Variants in KIRREL3 observed in about 807,000 individuals in gnomAD.
KIRREL3 encodes kirre like nephrin family adhesion molecule 3, also known as kin of IRRE-like protein 3.
A neutral mutation model predicts 89.7 loss-of-function variants in KIRREL3; 36 were observed. The observed-to-expected ratio is 0.40, with a 90% CI of 0.31 to 0.53. The LOEUF is 0.53. Among genes scored for constraint, KIRREL3 ranks in the 20% least tolerant of loss-of-function variants. KIRREL3 has a pLI of 0.49. For missense variants in KIRREL3, 864 were observed against 1,056.6 expected, an observed-to-expected ratio of 0.82 and a Z score of 2.53; for synonymous variants, 445 against 441.4, an observed-to-expected ratio of 1.01 and a Z score of -0.10.
chr11:126,545,538 T>C (rs906894457), intron 2 of KIRREL3, among the ~76,000 whole-genome samples: 3 of 151,784 alleles, frequency 2.0e-5, no homozygotes, highest in Non-Finnish European at 2.9e-5. Context: ...TGGAAGGCCA[T>C]TGAGGGAGGA....
At position 126,696,989 on chromosome 11, in the gene KIRREL3, A is replaced by C. The variant is rs1947123751; in HGVS notation, c.56-134077T>G. ...TATAATGCACTTAAACATGACAAAA[A>C]AAATGCACTAAATAAGTGTCATCTC... On this transcript the variant is annotated intron_variant, in intron 1 of 16. Transcript: ENST00000525144. The surrounding 1 kb of genome is among the most constrained non-coding windows in gnomAD (Gnocchi z 4.4). Among the ~76,000 whole-genome samples, 1 of 152,176 alleles carries C rather than the reference A, an allele frequency of 6.6e-6. No homozygotes were observed. The highest frequency in any genetic ancestry group is 1.5e-5 in the Non-Finnish European group (1 of 68,042).
At chr11:126,650,841 A>G (rs941828071) in intron 1 of KIRREL3, among the ~76,000 whole-genome samples, 2 of 152,206 alleles carry the variant, frequency 1.3e-5, no homozygotes, top group African/African-American at 2.4e-5. Context: ...TGCTGCTGAT[A>G]AAGACATACC....
chr11:126,616,377 C>A (rs1377923374), intron 1 of KIRREL3, among the ~76,000 whole-genome samples: 3 of 152,052 alleles, frequency 2.0e-5, no homozygotes, highest in Non-Finnish European at 2.9e-5. Context: ...AAACACAGCC[C>A]AAATCAAGTC....
Position 126,462,240 on chromosome 11 carries a change from G to A in KIRREL3, c.742+917C>T, listed in dbSNP as rs1235868339. On this transcript the variant is annotated intron_variant, in intron 6 of 16. Transcript: ENST00000525144. The surrounding 1 kb of genome is among the most constrained non-coding windows in gnomAD (Gnocchi z 4.8). ...AGGGCTGGCTGGGCAGGAGTGTGGA[G>A]AGGATGTTACCAGGGTGGACTCTGG... Among the ~76,000 whole-genome samples the A allele has an allele frequency of 6.6e-6, 1 of 152,124 alleles. No individual in the cohort carries two copies. The highest frequency in any genetic ancestry group is 1.5e-5 in the Non-Finnish European group (1 of 68,018).
intron 5 of KIRREL3, among the ~76,000 whole-genome samples, chr11:126,468,651 A>T (rs960499029): frequency 1.3e-5 from 2 of 152,228 alleles, no homozygotes; most frequent in Non-Finnish European, 2.9e-5. Context: ...GTGTTTTATG[A>T]AATAGCTGTA....
rs2134250570 is a variant in KIRREL3, at chr11:126,754,010, A to T, written c.56-191098T>A. ...AATGAGGGGAATAGCCTACTTTGTCACTATTTATCATTCTTAGTTAACAAT... is the reference window on the plus strand; with the variant it reads ...AATGAGGGGAATAGCCTACTTTGTCTCTATTTATCATTCTTAGTTAACAAT... On this transcript the variant is annotated intron_variant, in intron 1 of 16. Transcript: ENST00000525144. The surrounding 1 kb of genome is among the most constrained non-coding windows in gnomAD (Gnocchi z 5.1). Among the ~76,000 whole-genome samples the T allele has an allele frequency of 6.6e-6, 1 of 152,286 alleles. No individual in the cohort carries two copies.
chr11:126,761,628 G>A lies in KIRREL3; in HGVS notation c.56-198716C>T, dbSNP rs577173734. ...TATGGTTACACTGTTATTACTTTGA[G>A]ACATAGTTACTCTTTCTTCTAAGGA... On this transcript the variant is annotated intron_variant, in intron 1 of 16. Coordinates refer to ENST00000525144, the MANE Select transcript of KIRREL3 (RefSeq NM_032531.4). This position sits in a 1 kb window ranked among gnomAD's most constrained non-coding sequence, Gnocchi z 4.4. Among the ~76,000 whole-genome samples, 1 of 152,294 alleles carries A rather than the reference G, an allele frequency of 6.6e-6. No homozygotes were observed. The highest frequency in any genetic ancestry group is 2.4e-5 in the African/African-American group (1 of 41,570).
intron 4 of KIRREL3, among the ~76,000 whole-genome samples, chr11:126,509,443 C>G (rs769647166): frequency 8.5e-5 from 13 of 152,224 alleles, no homozygotes; most frequent in Non-Finnish European, 1.5e-4. Context: ...TGTCCAAACT[C>G]TGAGACATTA....
At chr11:126,460,914 C>A (rs1046796806) in intron 6 of KIRREL3, among the ~76,000 whole-genome samples, 3 of 152,208 alleles carry the variant, frequency 2.0e-5, no homozygotes, top group African/African-American at 4.8e-5. Flanking sequence ...TTGTACAGGC[C>A]TCCTGATCAG....
chr11:126,804,022 C>T (rs1951124424), intron 1 of KIRREL3, among the ~76,000 whole-genome samples: 1 of 152,156 alleles, frequency 6.6e-6, no homozygotes, highest in Non-Finnish European at 1.5e-5. Context: ...TCTATGTGTG[C>T]ATATATGTGT....
At position 126,534,551 on chromosome 11, in the gene KIRREL3, C is replaced by T. The variant is rs532415189; in HGVS notation, c.134-7864G>A. On this transcript the variant is annotated intron_variant, in intron 2 of 16. Transcript: ENST00000525144. The stretch of plus-strand genomic sequence containing the variant: ...GGTTCTGAGACAAAGCCCTTTGTCT[C>T]TGAGTGAGAGTCCCTGTCTGGGATG... 1.5e-4 allele frequency among the ~76,000 whole-genome samples: 23 copies of T among 152,334 alleles called. No homozygotes were observed. The East Asian group carries it at 4.3e-3, about 28-fold the overall frequency.
intron 1 of KIRREL3, among the ~76,000 whole-genome samples, chr11:126,950,811 C>T (rs1948754817): frequency 6.6e-6 from 1 of 152,164 alleles, no homozygotes; most frequent in Admixed American, 6.5e-5. Flanking sequence ...CACCAAAGCT[C>T]CTCATTAGAA....
Position 126,576,065 on chromosome 11 carries a change from G to A in KIRREL3, c.56-13153C>T, listed in dbSNP as rs7130623. 0.018 allele frequency among the ~76,000 whole-genome samples: 2,765 copies of A among 152,214 alleles called. 72 individuals carry two copies. The highest frequency in any genetic ancestry group is 0.062 in the African/African-American group (2,590 of 41,506). On this transcript the variant is annotated intron_variant, in intron 1 of 16. Coordinates refer to ENST00000525144, the MANE Select transcript of KIRREL3 (RefSeq NM_032531.4). This position sits in a 1 kb window ranked among gnomAD's most constrained non-coding sequence, Gnocchi z 5.4. ...TGGCTCAGAGCCAGGCACATAGTAG[G>A]CACTCAGTGCACATGTGTATGTGAC...
intron 1 of KIRREL3, among the ~76,000 whole-genome samples, chr11:126,864,666 G>A (rs1944860405): frequency 1.3e-5 from 2 of 152,176 alleles, no homozygotes. Flanking sequence ...ATTGCACTAT[G>A]TGCTTCACAT....
At chr11:126,815,312 G>T (rs1946058) in intron 1 of KIRREL3, among the ~76,000 whole-genome samples, 84,560 of 151,890 alleles carry the variant, frequency 0.56, 23,456 homozygotes, top group Admixed American at 0.6. Flanking sequence ...GGCAAGCCTA[G>T]TGAATGAGTC....
At chr11:126,949,637 G>C (rs554120089) in intron 1 of KIRREL3, among the ~76,000 whole-genome samples, 1 of 152,336 alleles carries the variant, frequency 6.6e-6, no homozygotes, top group Non-Finnish European at 1.5e-5. Flanking sequence ...GCTGTTGTTA[G>C]ACAAATCGGA....
rs963479196 is a variant in KIRREL3 at position 126,475,661 on chromosome 11, T to C, written c.434-2195A>G. On this transcript the variant is annotated intron_variant, in intron 4 of 16. Coordinates refer to ENST00000525144, the MANE Select transcript of KIRREL3 (RefSeq NM_032531.4). The surrounding 1 kb of genome is among the most constrained non-coding windows in gnomAD (Gnocchi z 7.5). ...CGGGAGGAAGCAGGCATGAATGGGA[T>C]GGATGGAGAAGACGACCCCCCAGCC... Among the ~76,000 whole-genome samples, 27 of 152,030 alleles carry C rather than the reference T, an allele frequency of 1.8e-4. No individual in the cohort carries two copies. Among genetic ancestry groups the C allele is most frequent in the Admixed American group, 1.4e-3 (21 of 15,272 alleles).
intron 1 of KIRREL3, among the ~76,000 whole-genome samples, chr11:126,792,425 G>A (rs1243148482): frequency 2.6e-5 from 4 of 152,210 alleles, no homozygotes; most frequent in Non-Finnish European, 5.9e-5. Flanking sequence ...CACACAACTT[G>A]CAAGCAATAG....
chr11:126,821,351 A>ATATATATATATATATATATATGTGTGTG (rs756545626), intron 1 of KIRREL3, among the ~76,000 whole-genome samples: 2 of 105,270 alleles, frequency 1.9e-5, no homozygotes, highest in Admixed American at 1.9e-4. Context: ...ATATATATAT[A>ATATATATATATATATATATATGTGTGTG]TGTAACTTCC....
Sources: gnomAD v4.1 joint callset for allele counts (sites outside exome capture counted in the v4.1 genomes callset) on GRCh38, gnomAD v4.1.1 for gene constraint, Gnocchi (gnomAD v3.1) non-coding constraint, MANE v1.5 for transcripts, NCBI Gene and HGNC (gene_info 2026-07-23, HGNC 2026-07-21) for gene names.